Variants in METTL25 observed in about 807,000 individuals in gnomAD.
METTL25 encodes the protein methyltransferase like 25, also known as probable methyltransferase-like protein 25.
METTL25 carries 64 observed loss-of-function variants against 71.6 expected under a neutral mutation model. That is an observed-to-expected ratio of 0.89 (90% CI 0.73 to 1.10). METTL25 has a LOEUF of 1.10. Among genes scored for constraint, METTL25 ranks in the 50% least tolerant of loss-of-function variants. The pLI, the probability that METTL25 is intolerant of heterozygous loss-of-function variation, is 0.00. For synonymous variants in METTL25, 287 were observed against 250.3 expected, an observed-to-expected ratio of 1.15 and a Z score of -1.38; for missense variants, 807 against 707.0, an observed-to-expected ratio of 1.14 and a Z score of -1.60.
intron 5 of METTL25, among the ~76,000 whole-genome samples, chr12:82,430,538 G>C (rs540366551): frequency 1.9e-4 from 29 of 151,638 alleles, no homozygotes; most frequent in African/African-American, 6.0e-4. Flanking sequence ...TTTTTAAAAA[G>C]TCAGACCAAC....
intron 5 of METTL25, among the ~76,000 whole-genome samples, chr12:82,415,355 A>G (rs1205792492): frequency 6.6e-6 from 1 of 152,138 alleles, no homozygotes; most frequent in Non-Finnish European, 1.5e-5. Context: ...ATACTAGTAC[A>G]TTGATCATAT....
At chr12:82,409,994 A>G (rs550657388) in intron 5 of METTL25, among the ~76,000 whole-genome samples, 9 of 152,156 alleles carry the variant, frequency 5.9e-5, no homozygotes, top group African/African-American at 1.9e-4. Context: ...AGAAGGCTGC[A>G]TATATACATA....
intron 1 of METTL25, among the ~76,000 whole-genome samples, chr12:82,378,628 A>C (rs373776520): frequency 1.3e-5 from 2 of 152,196 alleles, no homozygotes; most frequent in Non-Finnish European, 2.9e-5. Context: ...TAAGAGAGGG[A>C]TATAACTTAA....
At chr12:82,364,718 A>C (rs1015928080) in intron 1 of METTL25, among the ~76,000 whole-genome samples, 1 of 152,234 alleles carries the variant, frequency 6.6e-6, no homozygotes, top group African/African-American at 2.4e-5. Context: ...AATTGTGGCT[A>C]ATACATGATT....
At chr12:82,394,825 C>T (rs1002875936) in intron 3 of METTL25, among the ~76,000 whole-genome samples, 1 of 151,718 alleles carries the variant, frequency 6.6e-6, no homozygotes, top group Admixed American at 6.6e-5. Context: ...CTCATTGTAA[C>T]GATAATAGAG....
At chr12:82,381,161 G>A (rs1217787760) in intron 1 of METTL25, among the ~76,000 whole-genome samples, 2 of 152,104 alleles carry the variant, frequency 1.3e-5, no homozygotes, top group Non-Finnish European at 2.9e-5. Flanking sequence ...TACATGGTAG[G>A]TACCCCTGAA....
At chr12:82,376,163 A>G (rs528326573) in intron 1 of METTL25, among the ~76,000 whole-genome samples, 1 of 152,332 alleles carries the variant, frequency 6.6e-6, no homozygotes, top group South Asian at 2.1e-4. Flanking sequence ...TATTTTTTAA[A>G]TTATTGAATT....
intron 9 of METTL25, among the ~76,000 whole-genome samples, chr12:82,475,234 C>A (rs1892817753): frequency 6.6e-6 from 1 of 152,206 alleles, no homozygotes; most frequent in South Asian, 2.1e-4. Context: ...TCAACACACG[C>A]AATTTTGTGA....
At chr12:82,359,020 C>A in intron 1 of METTL25, 196 bp downstream of exon 1, 2 of 628,992 alleles carry the variant, frequency 3.2e-6, no homozygotes, top group East Asian at 2.8e-5. Flanking sequence ...ATCACTCTTT[C>A]TTTGGGTGCT....
chr12:82,361,227 G>C (rs1403385337), intron 1 of METTL25, among the ~76,000 whole-genome samples: 1 of 152,146 alleles, frequency 6.6e-6, no homozygotes, highest in African/African-American at 2.4e-5. Flanking sequence ...TATACACAGA[G>C]CACTGATTGG....
At chr12:82,403,158 T>G in intron 5 of METTL25, 28 bp downstream of exon 5, 1 of 1,587,696 alleles carries the variant, frequency 6.3e-7, no homozygotes, top group Non-Finnish European at 8.6e-7. Context: ...GTCATAATTT[T>G]TATTCATTTG....
intron 9 of METTL25, among the ~76,000 whole-genome samples, chr12:82,470,077 T>C (rs1892481096): frequency 6.6e-6 from 1 of 152,204 alleles, no homozygotes; most frequent in Non-Finnish European, 1.5e-5. Flanking sequence ...CAATAATCAC[T>C]GACAATGTAG....
intron 1 of METTL25, among the ~76,000 whole-genome samples, chr12:82,373,647 G>T (rs1015329074): frequency 3.9e-5 from 6 of 152,182 alleles, no homozygotes; most frequent in African/African-American, 1.4e-4. Flanking sequence ...ACATAACTTT[G>T]AGAGTTCCAC....
intron 6 of METTL25, among the ~76,000 whole-genome samples, chr12:82,431,265 T>C (rs1402585174): frequency 6.6e-6 from 1 of 151,502 alleles, no homozygotes; most frequent in African/African-American, 2.4e-5. Flanking sequence ...TGTTTCTTTA[T>C]AGCAGATCGT....
chr12:82,468,375 A>T (rs1320785787), intron 9 of METTL25: 2 of 152,250 alleles, frequency 1.3e-5, no homozygotes, highest in Admixed American at 6.6e-5. Flanking sequence ...CTTTGGAGGA[A>T]GGGTCAGCTA....
intron 9 of METTL25, among the ~76,000 whole-genome samples, chr12:82,473,674 C>T (rs571474923): frequency 7.9e-5 from 12 of 152,136 alleles, no homozygotes; most frequent in Non-Finnish European, 1.6e-4. Flanking sequence ...GTATACTTCA[C>T]CTGGCCTCAG....
At chr12:82,462,494 A>G (rs1021105006) in intron 9 of METTL25, among the ~76,000 whole-genome samples, 1 of 152,122 alleles carries the variant, frequency 6.6e-6, no homozygotes, top group South Asian at 2.1e-4. Flanking sequence ...TATTTCACTT[A>G]TCATAATGTA....
chr12:82,358,650 G>T lies in METTL25; in HGVS notation c.85G>T (p.Asp29Tyr). 1 of 1,614,154 alleles carries T rather than the reference G, an allele frequency of 6.2e-7. No homozygotes were observed. The highest frequency in any genetic ancestry group is 8.5e-7 in the Non-Finnish European group (1 of 1,180,040). Residue 29 changes from aspartate (D) to tyrosine (Y), a missense_variant, in exon 1 of 12, where the codon GAT becomes TAT. By Grantham distance (160) the Asp-to-Tyr change is radical (BLOSUM62 -3). Coordinates refer to ENST00000248306, the MANE Select transcript of METTL25 (RefSeq NM_032230.3). ...GCAGGGACTGCTGCAGTTCCTGAGG[G>T]ATGCCCTGTCCATTTCCAATGCACA... The part of the protein sequence containing the change: ...KLQGLLQFLR[D>Y]ALSISNAHTV...
chr12:82,390,417 A>G (rs868366412), intron 3 of METTL25, among the ~76,000 whole-genome samples: 2 of 152,098 alleles, frequency 1.3e-5, no homozygotes, highest in Non-Finnish European at 2.9e-5. Flanking sequence ...AATAGTTTTT[A>G]TGGTAGATAA....
Sources: gnomAD v4.1 joint callset for allele counts (sites outside exome capture counted in the v4.1 genomes callset) on GRCh38, gnomAD v4.1.1 for gene constraint, MANE v1.5 for transcripts, NCBI Gene and HGNC (gene_info 2026-07-23, HGNC 2026-07-21) for gene names.